PRDM5: variants seen among roughly 807,000 people sequenced by gnomAD.
PRDM5 encodes PR domain zinc finger protein 5.
Under a neutral mutation model 81.2 loss-of-function variants are expected in PRDM5, and 56 were observed. The ratio of observed to expected loss-of-function variants is 0.69; its 90% CI spans 0.56 to 0.86. The LOEUF (loss-of-function observed/expected upper bound fraction) is 0.86, where lower values mean the gene tolerates loss of function less well. Ranked by LOEUF, PRDM5 falls within the 40% of genes least tolerant of loss-of-function variation. The probability of loss-of-function intolerance (pLI) is 0.00; values close to 1 mark genes in which losing one functional copy is unlikely to be tolerated. For synonymous variants in PRDM5, 267 were observed against 256.4 expected (o/e 1.04, Z -0.39); for missense variants, 697 against 770.1 (o/e 0.91, Z 1.12).
chr4:120,710,557 C>A, intron 14 of PRDM5, 144 bp from the exon 15 acceptor site: 1 of 722,100 alleles, frequency 1.4e-6, no homozygotes, highest in Non-Finnish European at 2.5e-6. Context: ...GTGCCCCACC[C>A]AAATTTCATC....
At chr4:120,922,451 G>C (rs1331550906) in intron 1 of PRDM5, 65 bp downstream of exon 1, 6 of 1,316,294 alleles carry the variant, frequency 4.6e-6, no homozygotes, top group East Asian at 3.3e-5. Context: ...CTGCGGCAGG[G>C]CGACTCCGGG....
intron 3 of PRDM5, among the ~76,000 whole-genome samples, chr4:120,824,890 A>T (rs1755758031): frequency 6.6e-6 from 1 of 152,194 alleles, no homozygotes; most frequent in South Asian, 2.1e-4. Flanking sequence ...GGCTGTTTCT[A>T]ATGGAGGAAA....
At chr4:120,872,543 GA>G in intron 2 of PRDM5, among the ~76,000 whole-genome samples, 1 of 152,256 alleles carries the variant, frequency 6.6e-6, no homozygotes. Context: ...TTGAGGCCAA[GA>G]AATTGAGACC....
At chr4:120,825,483 T>G (rs549290222) in intron 3 of PRDM5, among the ~76,000 whole-genome samples, 3 of 152,228 alleles carry the variant, frequency 2.0e-5, no homozygotes, top group African/African-American at 7.2e-5. Flanking sequence ...TCCTTGACCC[T>G]TCCTCTCTCA....
intron 1 of PRDM5, among the ~76,000 whole-genome samples, chr4:120,922,109 C>G (rs778842269): frequency 4.6e-5 from 7 of 152,230 alleles, no homozygotes; most frequent in Non-Finnish European, 7.4e-5. Context: ...GAGCAGCGTG[C>G]GCGCGGGGGA....
chr4:120,916,319 A>C (rs1380670031), intron 1 of PRDM5, among the ~76,000 whole-genome samples: 1 of 152,056 alleles, frequency 6.6e-6, no homozygotes, highest in African/African-American at 2.4e-5. Context: ...CCTGGGAGGC[A>C]AAGGTTGCAG....
At chr4:120,905,177 A>C (rs534067670) in intron 2 of PRDM5, among the ~76,000 whole-genome samples, 4 of 152,344 alleles carry the variant, frequency 2.6e-5, no homozygotes, top group South Asian at 4.1e-4. Flanking sequence ...TGAGGACTAT[A>C]TTATGAATTT....
chr4:120,901,400 C>A (rs11935242), intron 2 of PRDM5, among the ~76,000 whole-genome samples: 12,621 of 152,232 alleles, frequency 0.083, 549 homozygotes, highest in East Asian at 0.15. Context: ...AATACACTAA[C>A]CTCAGATGTA....
At chr4:120,880,329 C>A (rs535727077) in intron 2 of PRDM5, among the ~76,000 whole-genome samples, 1 of 152,208 alleles carries the variant, frequency 6.6e-6, no homozygotes, top group Non-Finnish European at 1.5e-5. Context: ...TCTAAATTTG[C>A]CATGAGCTAA....
chr4:120,892,482 T>C (rs1312185478), intron 2 of PRDM5, among the ~76,000 whole-genome samples: 1 of 152,192 alleles, frequency 6.6e-6, no homozygotes, highest in African/African-American at 2.4e-5. Context: ...ATTTTATGAA[T>C]CTGGATGTTC....
intron 15 of PRDM5, among the ~76,000 whole-genome samples, chr4:120,705,401 G>A (rs1335867413): frequency 1.3e-5 from 2 of 152,170 alleles, no homozygotes; most frequent in Non-Finnish European, 2.9e-5. Flanking sequence ...ATGGAGATAA[G>A]AGAGAAAGTA....
downstream of PRDM5, among the ~76,000 whole-genome samples, chr4:120,691,729 C>T (rs978344958): frequency 6.6e-6 from 1 of 151,948 alleles, no homozygotes; most frequent in Non-Finnish European, 1.5e-5. Flanking sequence ...CAACTTGGCT[C>T]AACTTCAGAG....
chr4:120,763,206 C>T (rs774408952), intron 13 of PRDM5, among the ~76,000 whole-genome samples: 3 of 151,992 alleles, frequency 2.0e-5, no homozygotes, highest in Non-Finnish European at 4.4e-5. Context: ...CACGTGCTCA[C>T]GAACTTTTCA....
Position 120,764,705 on chromosome 4 carries a change from A to G in PRDM5, c.1538-10067T>C, listed in dbSNP as rs975186520. Among the ~76,000 whole-genome samples the G allele has an allele frequency of 2.0e-5, 3 of 152,196 alleles. No homozygotes were observed. In the East Asian group the frequency reaches 5.8e-4, roughly 29 times the overall value. ...CATGCAGTTCAAGACTTTGCTTATA[A>G]GAAAATTCCATTCAAACATTTCTTG... On this transcript the variant is annotated intron_variant, in intron 13 of 15. Coordinates refer to ENST00000264808, the MANE Select transcript of PRDM5 (RefSeq NM_018699.4).
chr4:120,858,568 C>CGCGT (rs1760159091), intron 2 of PRDM5, among the ~76,000 whole-genome samples: 1 of 150,256 alleles, frequency 6.7e-6, no homozygotes, highest in South Asian at 2.1e-4. Flanking sequence ...TGCTTATGAA[C>CGCGT]GCGTGCGTGC....
chr4:120,825,452 C>T (rs1230461931), intron 3 of PRDM5, among the ~76,000 whole-genome samples: 1 of 151,812 alleles, frequency 6.6e-6, no homozygotes, highest in Non-Finnish European at 1.5e-5. Context: ...ATAAGACATC[C>T]AGCTCATTAC....
intron 15 of PRDM5, among the ~76,000 whole-genome samples, chr4:120,699,204 A>ATATT (rs1553942437): frequency 6.5e-5 from 5 of 76,936 alleles, no homozygotes; most frequent in Non-Finnish European, 9.0e-5. Flanking sequence ...ATATATATAT[A>ATATT]TTTCAGATGT....
At chr4:120,684,472 C>T (rs1296119356), downstream of PRDM5, among the ~76,000 whole-genome samples, 2 of 151,820 alleles carry the variant, frequency 1.3e-5, no homozygotes, top group African/African-American at 4.8e-5. Context: ...GAAAATCAGG[C>T]TTTTTTTCAG....
At chr4:120,707,467 T>G (rs2149019737) in intron 15 of PRDM5, among the ~76,000 whole-genome samples, 1 of 151,908 alleles carries the variant, frequency 6.6e-6, no homozygotes, top group South Asian at 2.1e-4. Flanking sequence ...AAAAACCCAC[T>G]ATATTCAATA....
Sources: gnomAD v4.1 joint callset for allele counts (sites outside exome capture counted in the v4.1 genomes callset) on GRCh38, gnomAD v4.1.1 for gene constraint, MANE v1.5 for transcripts, NCBI Gene and HGNC (gene_info 2026-07-23, HGNC 2026-07-21) for gene names.